HDAC7: variants seen among roughly 807,000 people sequenced by gnomAD.
HDAC7 encodes the protein histone deacetylase 7.
A neutral mutation model predicts 115.5 loss-of-function variants in HDAC7; 26 were observed. That is an observed-to-expected ratio of 0.23 (90% CI 0.16 to 0.31). The LOEUF is 0.31. HDAC7 is among the 10% of genes least tolerant of loss of function. The probability of loss-of-function intolerance (pLI) is 1.00; values close to 1 mark genes in which losing one functional copy is unlikely to be tolerated. For missense variants in HDAC7, 1,068 were observed against 1,329.0 expected, an observed-to-expected ratio of 0.80 and a Z score of 3.05; for synonymous variants, 564 against 550.9, an observed-to-expected ratio of 1.02 and a Z score of -0.33.
rs35753431 is a variant in HDAC7, at chr12:47,797,895, T to TGTGTGTGTGTGTGTGTGTGTGA, written c.461+212_461+213insTCACACACACACACACACACAC. Among the ~76,000 whole-genome samples the TGTGTGTGTGTGTGTGTGTGTGA allele has an allele frequency of 2.6e-4, 38 of 143,460 alleles. No individual in the cohort carries two copies. Among genetic ancestry groups the TGTGTGTGTGTGTGTGTGTGTGA allele is most frequent in the African/African-American group, 9.3e-4 (34 of 36,506 alleles). The allele number at this position is 143,460 out of a possible 152,430, so 94.1% of individuals were successfully genotyped here. On this transcript the variant is annotated intron_variant, in intron 5 of 25. Coordinates refer to ENST00000080059, the MANE Select transcript of HDAC7 (RefSeq NM_015401.5). This position sits in a 1 kb window ranked among gnomAD's most constrained non-coding sequence, Gnocchi z 5.5. ...GTGTGTGTGTGTGTGTGTGTGTGTGTGAGAAGGGCTCAGGTGGGGTGGGGA... is the reference window on the plus strand; with the variant it reads ...GTGTGTGTGTGTGTGTGTGTGTGTGTGTGTGTGTGTGTGTGTGTGTGAGAGAAGGGCTCAGGTGGGGTGGGGA...
rs529789759 is a variant in HDAC7 at position 47,798,680 on chromosome 12, G to A, written c.259-28C>T. 13 of 1,600,392 alleles carry A rather than the reference G, an allele frequency of 8.1e-6. No individual in the cohort carries two copies. The highest frequency in any genetic ancestry group is 1.1e-5 in the Non-Finnish European group (13 of 1,173,088). On this transcript the variant is annotated intron_variant, in intron 3 of 25. Coordinates refer to ENST00000080059, the MANE Select transcript of HDAC7 (RefSeq NM_015401.5). This position sits in a 1 kb window ranked among gnomAD's most constrained non-coding sequence, Gnocchi z 4.3. ...GTGGGCAGGGCCGGCAGCCCAGAAA[G>A]GGACAAGGAGTTGAGGACTGAGACT...
At position 47,791,602 on chromosome 12, in the gene HDAC7, G is replaced by C; in HGVS notation, c.1917C>G (p.Asp639Glu). 1 of 1,610,024 alleles carries C rather than the reference G, an allele frequency of 6.2e-7. No individual in the cohort carries two copies. The highest frequency in any genetic ancestry group is 8.5e-7 in the Non-Finnish European group (1 of 1,178,122). Residue 639 changes from aspartate to glutamate, a missense_variant, in exon 15 of 26, where the codon GAC (aspartate) becomes GAG (glutamate). By Grantham distance (45) the Asp-to-Glu change is conservative. Coordinates refer to ENST00000080059, the MANE Select transcript of HDAC7 (RefSeq NM_015401.5). ...GGCCATTACCTGCCAGCTTCCCGTT[G>C]TCCAGTTTGAGGCGGCTGAGCGGGT... The part of the protein sequence containing the change: ...GTNPLSRLKL[D>E]NGKLAGLLAQ...
intron 2 of HDAC7, among the ~76,000 whole-genome samples, chr12:47,799,323 G>A (rs1294564598): frequency 6.6e-6 from 1 of 152,126 alleles, no homozygotes; most frequent in Non-Finnish European, 1.5e-5. Flanking sequence ...CCTATGGTAG[G>A]ACATTCTTGG....
intron 16 of HDAC7, chr12:47,791,001 C>A: frequency 1.8e-6 from 1 of 570,128 alleles, no homozygotes; most frequent in South Asian, 2.1e-5. Context: ...GCTCCTGAAA[C>A]CTCACTCAAC....
At chr12:47,817,200 C>T (rs1187570884) in intron 1 of HDAC7, among the ~76,000 whole-genome samples, 1 of 152,216 alleles carries the variant, frequency 6.6e-6, no homozygotes, top group African/African-American at 2.4e-5. Flanking sequence ...CTCACAGCCT[C>T]CTTCTCCAGC....
intron 1 of HDAC7, among the ~76,000 whole-genome samples, chr12:47,809,187 C>T (rs971262660): frequency 1.3e-5 from 2 of 152,124 alleles, no homozygotes; most frequent in Admixed American, 6.5e-5. Context: ...CCTCTAGGGG[C>T]GGCTCCTTCT....
At position 47,793,249 on chromosome 12, in the gene HDAC7, G is replaced by T; in HGVS notation, c.1678+120C>A. The T allele has an allele frequency of 1.4e-6, 1 of 705,444 alleles. No individual in the cohort carries two copies. The highest frequency in any genetic ancestry group is 2.3e-6 in the Non-Finnish European group (1 of 438,398). 43.7% of individuals were successfully genotyped at this position (705,444 alleles called of 1,614,324 possible). ...CCATGTGCTCCATGGGTACTACGTG[G>T]GCCTAACAAGGCTAAGCACTCTGTG... On this transcript the variant is annotated intron_variant, in intron 13 of 25. Transcript: ENST00000080059. This position sits in a 1 kb window ranked among gnomAD's most constrained non-coding sequence, Gnocchi z 4.5.
intron 1 of HDAC7, among the ~76,000 whole-genome samples, chr12:47,807,301 C>T (rs1237712574): frequency 6.6e-6 from 1 of 152,222 alleles, no homozygotes; most frequent in Non-Finnish European, 1.5e-5. Context: ...TCTCTTCCAC[C>T]TGAACTTTTG....
At chr12:47,792,687 A>G in intron 13 of HDAC7, 1 of 456,036 alleles carries the variant, frequency 2.2e-6, no homozygotes, top group Non-Finnish European at 4.4e-6. Context: ...AATAATCCCA[A>G]GCATGAGGAA....
chr12:47,784,439 G>T lies in HDAC7; in HGVS notation c.2792-222C>A, dbSNP rs112407160. On this transcript the variant is annotated intron_variant, in intron 24 of 25. Transcript: ENST00000080059. Reference sequence around the variant, plus strand: ...GAGTGGGTTCAACATGGCTGTGAGGGAGTCCTAGCAGGTGCCCAGCCTTTC... The same window carrying T: ...GAGTGGGTTCAACATGGCTGTGAGGTAGTCCTAGCAGGTGCCCAGCCTTTC... 11 of 609,406 alleles carry T rather than the reference G, an allele frequency of 1.8e-5. 1 individual carries two copies. The highest frequency in any genetic ancestry group is 9.2e-5 in the African/African-American group (5 of 54,076). 37.7% of individuals were successfully genotyped at this position (609,406 alleles called of 1,614,324 possible).
chr12:47,811,244 C>T (rs1944651507), intron 1 of HDAC7, among the ~76,000 whole-genome samples: 1 of 152,198 alleles, frequency 6.6e-6, no homozygotes, highest in Non-Finnish European at 1.5e-5. Context: ...AGATTCTCCA[C>T]GTGACCTGAT....
In HDAC7 at chr12:47,810,847, T is replaced by TC. The variant is rs955683957; in HGVS notation, c.20-8574_20-8573insG. On this transcript the variant is annotated intron_variant, in intron 1 of 25. Coordinates refer to ENST00000080059, the MANE Select transcript of HDAC7 (RefSeq NM_015401.5). ...CTCTCTCTCTCTCTCTCTCTCTCTC[T>TC]ATCTCTATCTCTGTCTCTCACTCAC... Among the ~76,000 whole-genome samples the TC allele has an allele frequency of 8.6e-5, 7 of 80,926 alleles. No homozygotes were observed. The East Asian group carries it at 1.5e-3, about 17-fold the overall frequency. 53.1% of individuals were successfully genotyped at this position (80,926 alleles called of 152,430 possible).
intron 1 of HDAC7, among the ~76,000 whole-genome samples, chr12:47,805,687 G>A (rs941172698): frequency 6.6e-6 from 1 of 152,220 alleles, no homozygotes; most frequent in South Asian, 2.1e-4. Flanking sequence ...CAGAGGATCT[G>A]CTCCTCTTCC....
intron 13 of HDAC7, chr12:47,792,879 A>T: frequency 2.8e-6 from 1 of 361,216 alleles, no homozygotes; most frequent in Non-Finnish European, 5.5e-6. Context: ...AACGTAGTTC[A>T]TGTGTTCATG....
intron 1 of HDAC7, chr12:47,812,818 G>C (rs1260232220): frequency 6.6e-6 from 1 of 152,260 alleles, no homozygotes; most frequent in Non-Finnish European, 1.5e-5. Flanking sequence ...TTTCGACTAA[G>C]ATTCAAACCC....
intron 15 of HDAC7, 38 bp from the exon 16 acceptor site, chr12:47,791,346 T>C (rs1348823097): frequency 6.5e-7 from 1 of 1,532,586 alleles, no homozygotes; most frequent in Non-Finnish European, 8.8e-7. Context: ...GCGTGAATAC[T>C]CTCAGCCTTT....
At chr12:47,808,571 G>A (rs1381968078) in intron 1 of HDAC7, among the ~76,000 whole-genome samples, 3 of 152,068 alleles carry the variant, frequency 2.0e-5, no homozygotes, top group Admixed American at 6.5e-5. Flanking sequence ...GCACTCTCTG[G>A]AGACCCTTGC....
rs1942985012 is a variant in HDAC7 at position 47,783,679 on chromosome 12, T to C, written c.*162A>G. On this transcript the variant is annotated 3_prime_UTR_variant, in exon 26 of 26. Coordinates refer to ENST00000080059, the MANE Select transcript of HDAC7 (RefSeq NM_015401.5). ...GTTCCCATTCTAGACCCAGGGATTT[T>C]CTCACGCTCCCTGGGATAACTGTCA... is the stretch of plus-strand genomic sequence containing the variant. 1.3e-6 allele frequency: 1 copy of C among 751,080 alleles called. No homozygotes were observed. The highest frequency in any genetic ancestry group is 2.3e-6 in the Non-Finnish European group (1 of 439,326). 46.5% of individuals were successfully genotyped at this position (751,080 alleles called of 1,614,324 possible). A position where few individuals can be genotyped will look rare whatever the true frequency, so the allele number is the denominator to read the frequency against.
chr12:47,792,702 T>C, intron 13 of HDAC7: 1 of 455,632 alleles, frequency 2.2e-6, no homozygotes, highest in South Asian at 1.5e-5. Context: ...GAGGAAAGAT[T>C]TATGCATAAG....
Sources: gnomAD v4.1 joint callset for allele counts (sites outside exome capture counted in the v4.1 genomes callset) on GRCh38, gnomAD v4.1.1 for gene constraint, Gnocchi (gnomAD v3.1) non-coding constraint, MANE v1.5 for transcripts, NCBI Gene and HGNC (gene_info 2026-07-23, HGNC 2026-07-21) for gene names.